The following DPH6 variants were observed in gnomAD, a reference collection of about 807,000 sequenced individuals.
DPH6 encodes the protein diphthine--ammonia ligase.
Under a neutral mutation model 38.2 loss-of-function variants are expected in DPH6, and 33 were observed. The ratio of observed to expected loss-of-function variants is 0.86; its 90% CI spans 0.65 to 1.15. The LOEUF is 1.15. Ranked by LOEUF, DPH6 falls within the 50% of genes most tolerant of loss-of-function variation. The pLI is 0.00. For synonymous variants in DPH6, 108 were observed against 103.0 expected, an observed-to-expected ratio of 1.05 and a Z score of -0.30; for missense variants, 325 against 320.0, an observed-to-expected ratio of 1.02 and a Z score of -0.12.
At chr15:35,305,897 T>C (rs141735652) in intron 3 of DPH6, among the ~76,000 whole-genome samples, 1 of 152,186 alleles carries the variant, frequency 6.6e-6, no homozygotes, top group Non-Finnish European at 1.5e-5. Context: ...TTGTTTTGGG[T>C]AATTGTATTG....
At chr15:35,465,036 C>T (rs1023551847) in intron 3 of DPH6, among the ~76,000 whole-genome samples, 6 of 152,176 alleles carry the variant, frequency 3.9e-5, no homozygotes, top group African/African-American at 1.4e-4. Context: ...AGACTGTTGA[C>T]TCAATATCCA....
chr15:35,226,201 T>C (rs570943988), intron 3 of DPH6, among the ~76,000 whole-genome samples: 138 of 152,306 alleles, frequency 9.1e-4, no homozygotes, highest in Non-Finnish European at 1.7e-3. Flanking sequence ...TAAATGTTCA[T>C]GTATCTATTC....
chr15:35,354,471 TAG>T (rs1175702435), intron 3 of DPH6, among the ~76,000 whole-genome samples: 2 of 152,338 alleles, frequency 1.3e-5, no homozygotes, highest in South Asian at 4.1e-4. Context: ...ATGAAATTTA[TAG>T]AGAGTTTTTA....
At chr15:35,492,259 A>G (rs1213748578) in intron 3 of DPH6, among the ~76,000 whole-genome samples, 1 of 152,150 alleles carries the variant, frequency 6.6e-6, no homozygotes, top group Non-Finnish European at 1.5e-5. Context: ...CTCCGTTTAC[A>G]AATTCAAATG....
intron 3 of DPH6, chr15:35,299,229 G>A: frequency 1.7e-6 from 2 of 1,202,770 alleles, no homozygotes; most frequent in Admixed American, 1.7e-5. Flanking sequence ...TGGCACATGC[G>A]GTGGTGTGTC....
At chr15:35,266,547 ATTTAATATTGT>A (rs2051785045) in intron 3 of DPH6, among the ~76,000 whole-genome samples, 1 of 152,212 alleles carries the variant, frequency 6.6e-6, no homozygotes, top group Non-Finnish European at 1.5e-5. Flanking sequence ...ACTAACATAA[ATTTAATATTGT>A]AGCAGTCAGA....
In DPH6 at chr15:35,423,570, C is replaced by G. The variant is rs137904112; in HGVS notation, c.506-12674G>C. 3.7e-3 allele frequency among the ~76,000 whole-genome samples: 557 copies of G among 149,752 alleles called. 2 individuals carry two copies. Among genetic ancestry groups the G allele is most frequent in the African/African-American group, 0.013 (506 of 40,296 alleles). On this transcript the variant is annotated intron_variant, in intron 5 of 8. Transcript: ENST00000256538. ...ATGCAATCCTATATGTCTATTTTAG[C>G]TTTTCTTGCCTGTGTTTTTGGTGTC...
chr15:35,411,855 ATTAAC>A (rs1213233703), intron 5 of DPH6, among the ~76,000 whole-genome samples: 2 of 151,700 alleles, frequency 1.3e-5, no homozygotes, highest in South Asian at 2.1e-4. Context: ...TCTTCACAAA[ATTAAC>A]TTAAAACAGA....
chr15:35,423,769 T>C (rs1461582470), intron 5 of DPH6, among the ~76,000 whole-genome samples: 1 of 151,544 alleles, frequency 6.6e-6, no homozygotes, highest in Non-Finnish European at 1.5e-5. Context: ...GAGATAAGGG[T>C]CCACTTCTTC....
chr15:35,287,114 T>C (rs1382635595), intron 3 of DPH6, among the ~76,000 whole-genome samples: 4 of 152,158 alleles, frequency 2.6e-5, no homozygotes, highest in African/African-American at 4.8e-5. Context: ...ATGCTGAAAT[T>C]GGGCTGAAAT....
At position 35,347,496 on chromosome 15, in the gene DPH6, T is replaced by C. The variant is rs2052473322; in HGVS notation, n.208-16419A>G. Among the ~76,000 whole-genome samples the C allele has an allele frequency of 5.3e-5, 8 of 151,808 alleles. No individual in the cohort carries two copies. The South Asian group carries it at 1.7e-3, about 32-fold the overall frequency. The stretch of plus-strand genomic sequence containing the variant: ...TTATGAAGACTGAATAACACTCCAC[T>C]GTATGGATATACTATACTTTCTTTA... On this transcript the variant is annotated intron_variant and non_coding_transcript_variant, in intron 3 of 3. Coordinates refer to the DPH6 transcript ENST00000558973.
chr15:35,245,956 G>C (rs964651845), intron 3 of DPH6, among the ~76,000 whole-genome samples: 3 of 152,174 alleles, frequency 2.0e-5, no homozygotes, highest in African/African-American at 4.8e-5. Context: ...ACTGAAGAAT[G>C]ACAAAAGAAG....
At chr15:35,384,042 C>T (rs150304790) in intron 6 of DPH6, among the ~76,000 whole-genome samples, 1 of 152,156 alleles carries the variant, frequency 6.6e-6, no homozygotes, top group African/African-American at 2.4e-5. Flanking sequence ...TTTCTATTTA[C>T]CTTTCTAAAA....
intron 3 of DPH6, among the ~76,000 whole-genome samples, chr15:35,236,502 G>A (rs920963880): frequency 2.6e-5 from 4 of 152,092 alleles, no homozygotes; most frequent in African/African-American, 9.7e-5. Flanking sequence ...AGCCGGGCGT[G>A]TTGGCGGGCG....
chr15:35,350,044 C>T (rs1031863201), intron 3 of DPH6, among the ~76,000 whole-genome samples: 21 of 152,242 alleles, frequency 1.4e-4, no homozygotes, highest in African/African-American at 4.8e-4. Flanking sequence ...CTTTAAATGG[C>T]TGCAAGAATT....
chr15:35,516,773 C>T (rs2054853548), intron 3 of DPH6, among the ~76,000 whole-genome samples: 1 of 152,128 alleles, frequency 6.6e-6, no homozygotes, highest in South Asian at 2.1e-4. Flanking sequence ...CTAATCACAA[C>T]TCAGTGATGG....
At chr15:35,414,081 C>T (rs2053406115) in intron 5 of DPH6, among the ~76,000 whole-genome samples, 1 of 150,300 alleles carries the variant, frequency 6.7e-6, no homozygotes, top group South Asian at 2.1e-4. Context: ...ATTTTTGTTC[C>T]ATTATTTTTA....
intron 3 of DPH6, among the ~76,000 whole-genome samples, chr15:35,268,751 A>C (rs2051801856): frequency 1.3e-5 from 2 of 151,974 alleles, no homozygotes; most frequent in African/African-American, 4.8e-5. Flanking sequence ...AAAATGGAAA[A>C]AAAAAAAAGG....
intron 6 of DPH6, among the ~76,000 whole-genome samples, chr15:35,389,198 C>T (rs1300731575): frequency 6.6e-6 from 1 of 152,150 alleles, no homozygotes; most frequent in Non-Finnish European, 1.5e-5. Flanking sequence ...GCACTGTGGT[C>T]TGAGAGACAG....
Sources: allele counts gnomAD v4.1 joint callset (sites outside exome capture counted in the v4.1 genomes callset), GRCh38; gene constraint gnomAD v4.1.1; transcripts MANE v1.5; gene names NCBI Gene and HGNC (gene_info 2026-07-23, HGNC 2026-07-21).